The following OXR1 variants were observed in gnomAD, a reference collection of about 807,000 sequenced individuals.
The protein encoded by OXR1 is oxidation resistance protein 1.
Under a neutral mutation model 104.6 loss-of-function variants are expected in OXR1, and 41 were observed. The observed-to-expected ratio is 0.39, with a 90% confidence interval of 0.31 to 0.51. The LOEUF is 0.51. Ranked by LOEUF, OXR1 falls within the 20% of genes least tolerant of loss-of-function variation. The probability of loss-of-function intolerance (pLI) is 0.77; values close to 1 mark genes in which losing one functional copy is unlikely to be tolerated. For synonymous variants in OXR1, 348 were observed against 348.4 expected (o/e 1.00, Z 0.01); for missense variants, 955 against 1,031.9 (o/e 0.93, Z 1.02).
intron 3 of OXR1, among the ~76,000 whole-genome samples, chr8:106,591,822 T>C (rs908914910): frequency 3.9e-5 from 6 of 152,194 alleles, no homozygotes; most frequent in Admixed American, 3.9e-4. Flanking sequence ...CATTTTACAA[T>C]CCATTTCTCT....
chr8:106,310,804 G>T (rs1813668913), intron 1 of OXR1, among the ~76,000 whole-genome samples: 1 of 152,122 alleles, frequency 6.6e-6, no homozygotes, highest in Non-Finnish European at 1.5e-5. Context: ...TTGTTGGTCT[G>T]CTTTTTACAA....
At chr8:106,681,743 TTGGACTCC>T (rs1828173440) in intron 4 of OXR1, among the ~76,000 whole-genome samples, 1 of 152,134 alleles carries the variant, frequency 6.6e-6, no homozygotes, top group African/African-American at 2.4e-5. Context: ...CAAGCTGGTC[TTGGACTCC>T]TGGGCTCAAG....
chr8:106,480,444 C>CT (rs1195083612), intron 2 of OXR1, among the ~76,000 whole-genome samples: 1 of 151,968 alleles, frequency 6.6e-6, no homozygotes, highest in East Asian at 1.9e-4. Context: ...AATAATTCTC[C>CT]TTTTTTTCCT....
chr8:106,403,430 TG>T (rs1818083220), intron 2 of OXR1, among the ~76,000 whole-genome samples: 1 of 152,220 alleles, frequency 6.6e-6, no homozygotes, highest in Non-Finnish European at 1.5e-5. Context: ...CCCAAATCAA[TG>T]GGTGTAGTTC....
At chr8:106,583,759 G>C (rs1818423822) in intron 3 of OXR1, among the ~76,000 whole-genome samples, 1 of 152,126 alleles carries the variant, frequency 6.6e-6, no homozygotes, top group African/African-American at 2.4e-5. Flanking sequence ...TAGGAGTAAA[G>C]ATAAAGCTAA....
chr8:106,423,871 C>T (rs141033352), intron 2 of OXR1, among the ~76,000 whole-genome samples: 1 of 152,254 alleles, frequency 6.6e-6, no homozygotes, highest in East Asian at 1.9e-4. Flanking sequence ...TGTAAAATCT[C>T]AACCTTCTTC....
chr8:106,518,663 C>T (rs1813032843), intron 2 of OXR1, among the ~76,000 whole-genome samples: 1 of 152,040 alleles, frequency 6.6e-6, no homozygotes, highest in Non-Finnish European at 1.5e-5. Context: ...ATCTTTGACA[C>T]TATATTTTAA....
chr8:106,505,360 C>A (rs1812088807), intron 2 of OXR1, among the ~76,000 whole-genome samples: 1 of 152,104 alleles, frequency 6.6e-6, no homozygotes, highest in South Asian at 2.1e-4. Context: ...TTTTGGTGTG[C>A]ATATAATTGC....
At chr8:106,296,718 G>A (rs1371368285) in intron 1 of OXR1, among the ~76,000 whole-genome samples, 1 of 152,134 alleles carries the variant, frequency 6.6e-6, no homozygotes, top group Non-Finnish European at 1.5e-5. Context: ...GCTCTCCTTG[G>A]ACAAGCAGTG....
At chr8:106,345,779 T>C (rs146314638) in intron 1 of OXR1, among the ~76,000 whole-genome samples, 51 of 152,346 alleles carry the variant, frequency 3.3e-4, no homozygotes, top group Non-Finnish European at 5.9e-5. Flanking sequence ...TTAAAATATA[T>C]TATGATTATT....
At chr8:106,276,753 C>CAAAAAAAAAAAAAAAAAAAAAAAAAAA (rs56303147) in intron 1 of OXR1, among the ~76,000 whole-genome samples, 1 of 77,764 alleles carries the variant, frequency 1.3e-5, no homozygotes, top group African/African-American at 4.9e-5. Context: ...CTGTTAGAGG[C>CAAAAAAAAAAAAAAAAAAAAAAAAAAA]AAAAAAAAAA....
intron 3 of OXR1, among the ~76,000 whole-genome samples, chr8:106,550,701 C>T (rs1004177024): frequency 1.3e-5 from 2 of 152,090 alleles, no homozygotes; most frequent in African/African-American, 2.4e-5. Context: ...GTAAGACATG[C>T]CTCTTCCCCT....
chr8:106,564,136 G>A (rs937407806), intron 3 of OXR1, among the ~76,000 whole-genome samples: 3 of 151,590 alleles, frequency 2.0e-5, no homozygotes, highest in Non-Finnish European at 4.4e-5. Flanking sequence ...ATAACTAAGA[G>A]CAGAACTGAA....
chr8:106,539,378 T>G (rs1261272774), intron 3 of OXR1, among the ~76,000 whole-genome samples: 1 of 152,202 alleles, frequency 6.6e-6, no homozygotes, highest in African/African-American at 2.4e-5. Flanking sequence ...GAAAATTCAT[T>G]GTATGATTTA....
At chr8:106,304,187 C>A (rs1237679789) in intron 1 of OXR1, among the ~76,000 whole-genome samples, 1 of 152,160 alleles carries the variant, frequency 6.6e-6, no homozygotes, top group Non-Finnish European at 1.5e-5. Flanking sequence ...CTTGACTCAT[C>A]ACCTCAAATT....
chr8:106,518,901 C>T (rs749142970), intron 2 of OXR1, 42 bp from the exon 3 acceptor site: 1 of 1,409,210 alleles, frequency 7.1e-7, no homozygotes, highest in South Asian at 1.4e-5. Context: ...AAATGTGTCT[C>T]TAGAATCAGG....
intron 11 of OXR1, among the ~76,000 whole-genome samples, chr8:106,733,716 C>G (rs1186160955): frequency 6.6e-6 from 1 of 150,594 alleles, no homozygotes; most frequent in Admixed American, 6.6e-5. Context: ...GTCCCAGCTA[C>G]TTGGGAGACT....
chr8:106,647,113 G>A (rs1000918116), intron 3 of OXR1, among the ~76,000 whole-genome samples: 1 of 152,140 alleles, frequency 6.6e-6, no homozygotes, highest in Non-Finnish European at 1.5e-5. Flanking sequence ...AATTGTTAAC[G>A]ATGCTATTGC....
chr8:106,562,903 TAC>T (rs1198709088), intron 3 of OXR1, among the ~76,000 whole-genome samples: 2 of 152,124 alleles, frequency 1.3e-5, no homozygotes, highest in African/African-American at 2.4e-5. Flanking sequence ...TAAAATCCTT[TAC>T]AGACAAGCAA....
Sources: gnomAD v4.1 joint callset for allele counts (sites outside exome capture counted in the v4.1 genomes callset) on GRCh38, gnomAD v4.1.1 for gene constraint, MANE v1.5 for transcripts, NCBI Gene and HGNC (gene_info 2026-07-23, HGNC 2026-07-21) for gene names.